Variants in RARB observed in about 807,000 individuals in gnomAD.
RARB encodes HBV-activated protein.
RARB carries 17 observed loss-of-function variants against 51.9 expected under a neutral mutation model. The observed-to-expected ratio is 0.33, with a 90% CI of 0.22 to 0.49. RARB has a LOEUF of 0.49. RARB is among the 20% of genes least tolerant of loss of function. RARB has a pLI of 0.99. For synonymous variants in RARB, 215 were observed against 195.4 expected, an observed-to-expected ratio of 1.10 and a Z score of -0.84; for missense variants, 369 against 550.8, an observed-to-expected ratio of 0.67 and a Z score of 3.30.
chr3:25,050,850 C>T (rs1200855592), intron 2 of RARB, among the ~76,000 whole-genome samples: 2 of 152,140 alleles, frequency 1.3e-5, no homozygotes, highest in African/African-American at 4.8e-5. Flanking sequence ...ACTAGGAAGA[C>T]ATTTATTTCT....
At chr3:25,043,602 T>A (rs1373462222) in intron 2 of RARB, among the ~76,000 whole-genome samples, 2 of 152,148 alleles carry the variant, frequency 1.3e-5, no homozygotes, top group Non-Finnish European at 1.5e-5. Flanking sequence ...TCCCATGGAG[T>A]TCAGGGAGAG....
intron 5 of RARB, among the ~76,000 whole-genome samples, chr3:25,304,765 C>T (rs1180480108): frequency 1.3e-5 from 2 of 152,176 alleles, no homozygotes; most frequent in African/African-American, 4.8e-5. Flanking sequence ...TATAGTGATC[C>T]TTTTACAATG....
intron 5 of RARB, among the ~76,000 whole-genome samples, chr3:25,231,275 C>A (rs1702169561): frequency 1.3e-5 from 2 of 152,130 alleles, no homozygotes; most frequent in Admixed American, 6.5e-5. Flanking sequence ...GCAATGCTTG[C>A]TTTTCTCAGG....
At chr3:25,545,125 A>G (rs1483588783) in intron 3 of RARB, among the ~76,000 whole-genome samples, 1 of 151,988 alleles carries the variant, frequency 6.6e-6, no homozygotes, top group African/African-American at 2.4e-5. Context: ...GTATTTTTTT[A>G]GTAGAGATGG....
Position 25,489,247 on chromosome 3 carries a change from A to G in RARB, c.307-11935A>G, listed in dbSNP as rs148418800. On this transcript the variant is annotated intron_variant, in intron 2 of 7. Transcript: ENST00000330688. ...AATCTTGGCACTGTGCTGACATAAT[A>G]TAGCTACTTTAATTTTAAGGATCAA... is the stretch of plus-strand genomic sequence containing the variant. Among the ~76,000 whole-genome samples the G allele has an allele frequency of 1.4e-3, 217 of 152,338 alleles. 1 individual carries two copies. Among genetic ancestry groups the G allele is most frequent in the African/African-American group, 4.8e-3 (200 of 41,580 alleles).
chr3:25,204,993 C>G (rs564674268), intron 5 of RARB, among the ~76,000 whole-genome samples: 2 of 152,262 alleles, frequency 1.3e-5, no homozygotes, highest in African/African-American at 2.4e-5. Flanking sequence ...TTTCTGCTGC[C>G]TTTTGTTTGG....
At chr3:25,007,810 T>C (rs1002894937) in intron 2 of RARB, among the ~76,000 whole-genome samples, 5 of 151,994 alleles carry the variant, frequency 3.3e-5, no homozygotes, top group African/African-American at 1.2e-4. Context: ...CTCTGGAGCT[T>C]TGTGATACGT....
intron 4 of RARB, among the ~76,000 whole-genome samples, chr3:25,134,888 C>T (rs1700009060): frequency 6.6e-6 from 1 of 152,000 alleles, no homozygotes; most frequent in Non-Finnish European, 1.5e-5. Context: ...CTTGCTGCTG[C>T]ACAGACTTTT....
intron 5 of RARB, among the ~76,000 whole-genome samples, chr3:25,222,640 T>C (rs1003397299): frequency 6.6e-6 from 1 of 152,200 alleles, no homozygotes; most frequent in Admixed American, 6.5e-5. Context: ...ATGAAAAAGA[T>C]GATAGATGGA....
intron 2 of RARB, among the ~76,000 whole-genome samples, chr3:24,991,512 T>C (rs1696911022): frequency 1.3e-5 from 2 of 152,010 alleles, no homozygotes; most frequent in South Asian, 4.2e-4. Context: ...CCAATCTTAC[T>C]CTTTTTAATT....
intron 5 of RARB, among the ~76,000 whole-genome samples, chr3:25,218,889 C>T (rs1250887006): frequency 6.6e-6 from 1 of 152,208 alleles, no homozygotes; most frequent in Non-Finnish European, 1.5e-5. Context: ...GCTACCCCAC[C>T]CTGGGCTTCC....
chr3:25,567,811 C>T (rs187925865), intron 3 of RARB, among the ~76,000 whole-genome samples: 208 of 152,170 alleles, frequency 1.4e-3, no homozygotes, highest in African/African-American at 4.9e-3. Flanking sequence ...TGGCAGAGGC[C>T]GAGGAAAAGA....
intron 5 of RARB, among the ~76,000 whole-genome samples, chr3:25,329,299 C>T (rs750420212): frequency 3.9e-5 from 6 of 152,180 alleles, no homozygotes; most frequent in East Asian, 1.9e-4. Flanking sequence ...ACACCTCATA[C>T]GGCCGGGTGC....
intron 5 of RARB, among the ~76,000 whole-genome samples, chr3:25,272,359 G>C (rs142323472): frequency 1.2e-4 from 19 of 152,134 alleles, no homozygotes; most frequent in Non-Finnish European, 1.8e-4. Context: ...ACTCACCATT[G>C]TCTGCCTGCC....
chr3:25,506,252 CA>C (rs35856686), intron 3 of RARB, among the ~76,000 whole-genome samples: 14,294 of 56,742 alleles, frequency 0.25, 676 homozygotes, highest in African/African-American at 0.37. Context: ...GACTCCATCT[CA>C]AAAAAAAAAA....
At chr3:25,573,836 G>A (rs1037699081) in intron 4 of RARB, among the ~76,000 whole-genome samples, 1 of 152,182 alleles carries the variant, frequency 6.6e-6, no homozygotes, top group Non-Finnish European at 1.5e-5. Context: ...ACAGATCTTT[G>A]AAAGAGTAGT....
chr3:25,211,805 A>G (rs1430874171), intron 5 of RARB, among the ~76,000 whole-genome samples: 4 of 152,232 alleles, frequency 2.6e-5, no homozygotes, highest in Admixed American at 6.5e-5. Context: ...TTTATAAAAT[A>G]GGTGATGGGC....
At chr3:25,594,325 A>G (rs1168613826) in intron 6 of RARB, among the ~76,000 whole-genome samples, 195 bp from the exon 7 acceptor site, 1 of 152,134 alleles carries the variant, frequency 6.6e-6, no homozygotes, top group Non-Finnish European at 1.5e-5. Flanking sequence ...CAAAATGTTT[A>G]TACTACCAAG....
At chr3:25,180,430 G>A (rs929387800) in intron 5 of RARB, among the ~76,000 whole-genome samples, 3 of 152,174 alleles carry the variant, frequency 2.0e-5, no homozygotes, top group East Asian at 1.9e-4. Flanking sequence ...TATAGAAAAT[G>A]AGACTTTCCA....
Sources: gnomAD v4.1 joint callset for allele counts (sites outside exome capture counted in the v4.1 genomes callset) on GRCh38, gnomAD v4.1.1 for gene constraint, MANE v1.5 for transcripts, NCBI Gene and HGNC (gene_info 2026-07-23, HGNC 2026-07-21) for gene names.